Variants in SUPT20H observed in about 807,000 individuals in gnomAD.
SUPT20H encodes transcription factor SPT20 homolog.
SUPT20H carries 82 observed loss-of-function variants against 122.8 expected under a neutral mutation model. That is an observed-to-expected ratio of 0.67 (90% CI 0.56 to 0.80). The LOEUF (loss-of-function observed/expected upper bound fraction) is 0.80, where lower values mean the gene tolerates loss of function less well. SUPT20H is among the 30% of genes least tolerant of loss of function. The pLI, the probability that SUPT20H is intolerant of heterozygous loss-of-function variation, is 0.00. For synonymous variants in SUPT20H, 291 were observed against 313.0 expected (o/e 0.93, Z 0.74); for missense variants, 831 against 921.6 (o/e 0.90, Z 1.27).
At chr13:37,031,967 G>A in intron 10 of SUPT20H, 72 bp from the exon 11 acceptor site, 1 of 1,361,114 alleles carries the variant, frequency 7.3e-7, no homozygotes, top group African/African-American at 1.5e-5. Context: ...GTTGAAACTA[G>A]TCAGTGCTGA....
chr13:37,041,327 C>T (rs1178405135), intron 7 of SUPT20H, among the ~76,000 whole-genome samples: 1 of 152,024 alleles, frequency 6.6e-6, no homozygotes, highest in Non-Finnish European at 1.5e-5. Flanking sequence ...ACCATCCTGG[C>T]TAACATGGTG....
At chr13:37,057,999 C>T (rs1319048225) in intron 1 of SUPT20H, among the ~76,000 whole-genome samples, 2 of 137,630 alleles carry the variant, frequency 1.5e-5, no homozygotes, top group African/African-American at 5.4e-5. Context: ...AAAAAGTTGG[C>T]TGGGGCGGTG....
At chr13:37,051,016 T>C (rs2067562985) in intron 2 of SUPT20H, among the ~76,000 whole-genome samples, 1 of 152,218 alleles carries the variant, frequency 6.6e-6, no homozygotes, top group Non-Finnish European at 1.5e-5. Flanking sequence ...CCTAACTATG[T>C]TTAGTGACTG....
At chr13:37,011,516 A>T (rs1051567765) in intron 24 of SUPT20H, among the ~76,000 whole-genome samples, 1 of 152,100 alleles carries the variant, frequency 6.6e-6, no homozygotes, top group Non-Finnish European at 1.5e-5. Flanking sequence ...CACTCATTCA[A>T]TCCTCAAACT....
intron 1 of SUPT20H, chr13:37,056,730 C>G (rs536849809): frequency 6.6e-6 from 1 of 150,728 alleles, no homozygotes; most frequent in Admixed American, 6.6e-5. Flanking sequence ...CAAACCTGCA[C>G]GTTGTGCACA....
In SUPT20H at chr13:37,010,674, G is replaced by T. The variant is rs1286184269; in HGVS notation, c.2099-19C>A. On this transcript the variant is annotated intron_variant, in intron 24 of 25. Coordinates refer to ENST00000350612, the MANE Select transcript of SUPT20H (RefSeq NM_001014286.3). ...GACAACACTACAGAGAGGAGAAGGG[G>T]AAAGCAGGCCAGTCAAAAAGTTTGA... 6.2e-7 allele frequency: 1 copy of T among 1,602,620 alleles called. No homozygotes were observed. Among genetic ancestry groups the T allele is most frequent in the Admixed American group, 1.7e-5 (1 of 59,602 alleles).
chr13:37,010,377 A>C (rs2059389542), intron 25 of SUPT20H, among the ~76,000 whole-genome samples, 175 bp downstream of exon 25: 3 of 152,242 alleles, frequency 2.0e-5, no homozygotes, highest in Admixed American at 1.3e-4. Context: ...TACAAAATAT[A>C]TTCAGTGCTC....
chr13:37,032,950 A>C (rs375900964), intron 10 of SUPT20H, among the ~76,000 whole-genome samples: 1 of 152,172 alleles, frequency 6.6e-6, no homozygotes, highest in Admixed American at 6.5e-5. Flanking sequence ...TTCTTTCCTT[A>C]AAGTAGGATT....
intron 2 of SUPT20H, among the ~76,000 whole-genome samples, chr13:37,051,196 T>C (rs2067606264): frequency 6.6e-6 from 1 of 152,214 alleles, no homozygotes; most frequent in African/African-American, 2.4e-5. Flanking sequence ...TTTATACCCA[T>C]CCTCCTTGCC....
At chr13:37,026,998 C>T (rs1481243905) in intron 14 of SUPT20H, among the ~76,000 whole-genome samples, 182 bp from the exon 15 acceptor site, 1 of 151,978 alleles carries the variant, frequency 6.6e-6, no homozygotes, top group Non-Finnish European at 1.5e-5. Context: ...AGTCATTTGG[C>T]TCTATAGACC....
intron 24 of SUPT20H, among the ~76,000 whole-genome samples, chr13:37,011,403 TTATATG>T (rs2059603648): frequency 6.6e-6 from 1 of 152,180 alleles, no homozygotes; most frequent in South Asian, 2.1e-4. Flanking sequence ...AATTGGAACT[TTATATG>T]TAAGGATAAC....
In SUPT20H at chr13:37,017,277, T is replaced by G. The variant is rs754779098; in HGVS notation, c.1960A>C (p.Thr654Pro). The change falls in exon 23 of 26, where the codon ACA becomes CCA. Residue 654 changes from threonine (T) to proline (P), a missense_variant. By Grantham distance (38) the Thr-to-Pro change is conservative (BLOSUM62 -1). Transcript: ENST00000350612. ...CCTGGCTGTTGAGGACTACAAGTTG[T>G]GGGCTGCTGAGGTTGTTGTGGTGTA... ...QFTPQQPQQP[T>P]TCSPQQPGEQ... 55 of 1,614,138 alleles carry G rather than the reference T, an allele frequency of 3.4e-5. No homozygotes were observed. The highest frequency in any genetic ancestry group is 4.4e-5 in the Non-Finnish European group (52 of 1,180,006).
intron 1 of SUPT20H, among the ~76,000 whole-genome samples, chr13:37,057,799 C>T (rs777491347): frequency 6.6e-6 from 1 of 151,692 alleles, no homozygotes; most frequent in Non-Finnish European, 1.5e-5. Flanking sequence ...CATGGCGAAA[C>T]CCCGTCTCTA....
chr13:37,009,606 G>GA lies in SUPT20H; in HGVS notation c.*65dup. ...GACACATTAAAAAAAACAAAAAGTA[G>GA]AAACTCAATTCTTTTGATTCAGTGC... On this transcript the variant is annotated 3_prime_UTR_variant, in exon 26 of 26. Transcript: ENST00000350612. The GA allele has an allele frequency of 6.3e-7, 1 of 1,590,440 alleles. No homozygotes were observed. The highest frequency in any genetic ancestry group is 8.6e-7 in the Non-Finnish European group (1 of 1,159,960).
At chr13:37,045,565 TTAC>T (rs1225508869) in intron 5 of SUPT20H, among the ~76,000 whole-genome samples, 192 bp from the exon 6 acceptor site, 3 of 152,194 alleles carry the variant, frequency 2.0e-5, no homozygotes, top group African/African-American at 4.8e-5. Flanking sequence ...TAATTTTTAT[TTAC>T]TACTATGTTT....
At chr13:37,047,437 T>A in intron 5 of SUPT20H, 98 bp downstream of exon 5, 1 of 1,261,470 alleles carries the variant, frequency 7.9e-7, no homozygotes, top group Non-Finnish European at 1.0e-6. Flanking sequence ...AGATGTTAGT[T>A]CACTCACACA....
chr13:37,021,512 A>G lies in SUPT20H; in HGVS notation c.1752T>C (p.Leu584=). ...TTGGTAGCAGACCTCCTGAGGGTAGAAGGCCGCTCAGGTTTATTCCTGCAG... is the reference window on the plus strand; with the variant it reads ...TTGGTAGCAGACCTCCTGAGGGTAGGAGGCCGCTCAGGTTTATTCCTGCAG... ...ITPAGINLSG[L]LPSGGLLPNA... is the part of the protein sequence containing the mutation. Residue 584 remains leucine (L), a synonymous_variant, in exon 21 of 26, where the codon CTT becomes CTC. Transcript: ENST00000350612. 45 of 1,613,884 alleles carry G rather than the reference A, an allele frequency of 2.8e-5. No homozygotes were observed. The highest frequency in any genetic ancestry group is 3.8e-5 in the Non-Finnish European group (45 of 1,179,942).
chr13:37,044,248 G>A, intron 6 of SUPT20H, 67 bp from the exon 7 acceptor site: 1 of 1,275,126 alleles, frequency 7.8e-7, no homozygotes, highest in Non-Finnish European at 1.1e-6. Flanking sequence ...TAATTCAAAT[G>A]GCTTTTCAAA....
Position 37,026,282 on chromosome 13 carries a change from A to G in SUPT20H, c.1179-46T>C, listed in dbSNP as rs752712982. The G allele has an allele frequency of 4.5e-6, 6 of 1,322,536 alleles. No homozygotes were observed. The Admixed American group carries it at 1.7e-4, about 37-fold the overall frequency. 81.9% of individuals were successfully genotyped at this position (1,322,536 alleles called of 1,614,324 possible). On this transcript the variant is annotated intron_variant, in intron 15 of 25. Coordinates refer to ENST00000350612, the MANE Select transcript of SUPT20H (RefSeq NM_001014286.3). ...AAAGGAGAGAAAAGTATTAGGTAAG[A>G]GTTGTCTTAAGAAGGCTTGGGATTA...
Sources: allele counts gnomAD v4.1 joint callset (sites outside exome capture counted in the v4.1 genomes callset), GRCh38; gene constraint gnomAD v4.1.1; transcripts MANE v1.5; gene names NCBI Gene and HGNC (gene_info 2026-07-23, HGNC 2026-07-21).